RAB5C: variants seen among roughly 807,000 people sequenced by gnomAD.
RAB5C encodes the protein ras-related protein Rab-5C.
Under a neutral mutation model 25.2 loss-of-function variants are expected in RAB5C, and 4 were observed. That is an observed-to-expected ratio of 0.16 (90% CI 0.08 to 0.36). The LOEUF is 0.36. RAB5C is among the 10% of genes least tolerant of loss of function. The pLI is 1.00. For missense variants in RAB5C, 199 were observed against 283.8 expected (o/e 0.70, Z 2.15); for synonymous variants, 100 against 106.4 (o/e 0.94, Z 0.37).
At chr17:42,139,950 A>G (rs899942396) in intron 1 of RAB5C, among the ~76,000 whole-genome samples, 2 of 152,092 alleles carry the variant, frequency 1.3e-5, no homozygotes, top group African/African-American at 4.8e-5. Flanking sequence ...GCCTACCCCA[A>G]CTATCCTGTA....
intron 1 of RAB5C, among the ~76,000 whole-genome samples, chr17:42,139,802 G>A (rs549390752): frequency 3.9e-5 from 6 of 152,164 alleles, no homozygotes; most frequent in Admixed American, 6.5e-5. Flanking sequence ...CCACACACAC[G>A]TCCCAGCCAC....
chr17:42,128,431 C>T (rs1332550062), intron 3 of RAB5C, 48 bp from the exon 4 acceptor site: 1 of 1,570,888 alleles, frequency 6.4e-7, no homozygotes, highest in Non-Finnish European at 8.7e-7. Flanking sequence ...AGGCATTCTG[C>T]CCAGGGCCAC....
chr17:42,146,227 A>G (rs1012034002), intron 1 of RAB5C, among the ~76,000 whole-genome samples: 5 of 152,184 alleles, frequency 3.3e-5, no homozygotes, highest in South Asian at 2.1e-4. Context: ...TATAGGTAAC[A>G]TGGGATCCTG....
intron 1 of RAB5C, among the ~76,000 whole-genome samples, chr17:42,147,063 AAAGAAAGAAAAAG>A (rs1460297647): frequency 8.8e-5 from 13 of 147,526 alleles, no homozygotes; most frequent in African/African-American, 3.4e-4. Context: ...AAAAAGAAAG[AAAGAAAGAAAAAG>A]AAAGAAAGAA....
At chr17:42,149,887 T>C (rs927393523) in intron 1 of RAB5C, among the ~76,000 whole-genome samples, 11 of 150,186 alleles carry the variant, frequency 7.3e-5, no homozygotes, top group Non-Finnish European at 1.2e-4. Context: ...TTTTTTTTTT[T>C]TTTTTTTTTG....
At chr17:42,125,986 A>C (rs1598241503) in intron 5 of RAB5C, 88 bp from the exon 6 acceptor site, 5 of 936,768 alleles carry the variant, frequency 5.3e-6, no homozygotes, top group Non-Finnish European at 8.3e-6. Flanking sequence ...CTTTATACCC[A>C]ATCAGTGGTA....
chr17:42,136,300 G>T (rs1455008280), intron 1 of RAB5C: 3 of 152,218 alleles, frequency 2.0e-5, no homozygotes, highest in African/African-American at 7.2e-5. Flanking sequence ...CCTCAAAAGG[G>T]AAAACCACTG....
intron 1 of RAB5C, among the ~76,000 whole-genome samples, chr17:42,144,100 T>C (rs1369997380): frequency 6.6e-6 from 1 of 152,142 alleles, no homozygotes; most frequent in African/African-American, 2.4e-5. Context: ...CGCTGGATTA[T>C]AAACCAAAGT....
intron 1 of RAB5C, among the ~76,000 whole-genome samples, chr17:42,139,526 G>C (rs1417172040): frequency 6.6e-6 from 1 of 152,170 alleles, no homozygotes; most frequent in Non-Finnish European, 1.5e-5. Context: ...GCAGTGGCGT[G>C]ATCTCGGCTC....
rs1555670424 is a variant in RAB5C, at chr17:42,142,205, G to GA, written c.-88-11616_-88-11615insT. Reference sequence around the variant, plus strand: ...GCCCCATTAACACAAAGCATCTTGGGTTTTTTTTTGGTAGAGATGGGGTTT... The same window carrying GA: ...GCCCCATTAACACAAAGCATCTTGGGATTTTTTTTTGGTAGAGATGGGGTTT... On this transcript the variant is annotated intron_variant, in intron 1 of 5. Coordinates refer to ENST00000346213, the MANE Select transcript of RAB5C (RefSeq NM_004583.4). 1.3e-5 allele frequency among the ~76,000 whole-genome samples: 2 copies of GA among 148,338 alleles called. 1 individual carries two copies. Among genetic ancestry groups the GA allele is most frequent in the African/African-American group, 5.0e-5 (2 of 40,318 alleles).
At chr17:42,151,922 C>A (rs1490695369) in intron 1 of RAB5C, among the ~76,000 whole-genome samples, 2 of 152,062 alleles carry the variant, frequency 1.3e-5, no homozygotes, top group Admixed American at 6.6e-5. Flanking sequence ...TGCCCTTGTG[C>A]CGTGGCGCAC....
rs1378963754 is a variant in RAB5C, at chr17:42,146,440, AC to A, written c.-89+8452del. 2.6e-5 allele frequency among the ~76,000 whole-genome samples: 4 copies of A among 152,074 alleles called. No individual in the cohort carries two copies. In the South Asian group the frequency reaches 6.2e-4, roughly 24 times the overall value. ...TATTAAGCCTCGGCAACATAGGGAG[AC>A]CCCGTCTCTACAAAAAAATCAAAAA... On this transcript the variant is annotated intron_variant, in intron 1 of 5. Coordinates refer to ENST00000346213, the MANE Select transcript of RAB5C (RefSeq NM_004583.4).
chr17:42,148,041 T>TGAGCTGA (rs1026081749), intron 1 of RAB5C, among the ~76,000 whole-genome samples: 4 of 151,782 alleles, frequency 2.6e-5, no homozygotes, highest in Non-Finnish European at 4.4e-5. Flanking sequence ...GAGGTTGTGG[T>TGAGCTGA]GAGCTGAGAT....
chr17:42,127,860 A>C (rs1292869837), intron 4 of RAB5C, among the ~76,000 whole-genome samples: 5 of 112,336 alleles, frequency 4.5e-5, no homozygotes, highest in Admixed American at 9.1e-5. Flanking sequence ...ATGGGGCCTC[A>C]CTCTTGCTCA....
intron 1 of RAB5C, among the ~76,000 whole-genome samples, chr17:42,150,544 CAAAAAAAAAAAAAAA>C (rs759878778): frequency 1.0e-4 from 2 of 19,388 alleles, no homozygotes; most frequent in Admixed American, 9.1e-4. Context: ...AACTCCATCT[CAAAAAAAAAAAAAAA>C]AAAAAAAAAA....
intron 1 of RAB5C, among the ~76,000 whole-genome samples, chr17:42,131,357 AAC>A (rs2054483612): frequency 6.6e-6 from 1 of 151,904 alleles, no homozygotes; most frequent in East Asian, 1.9e-4. Flanking sequence ...CACAGAAACA[AAC>A]ACATAGTAAA....
At chr17:42,152,622 T>C (rs2079679425) in intron 1 of RAB5C, among the ~76,000 whole-genome samples, 1 of 151,618 alleles carries the variant, frequency 6.6e-6, no homozygotes, top group Non-Finnish European at 1.5e-5. Context: ...CTACTAAAAA[T>C]ACAAAAATTA....
In RAB5C at chr17:42,128,819, G is replaced by C; in HGVS notation, c.167-19C>G. 5 of 1,451,952 alleles carry C rather than the reference G, an allele frequency of 3.4e-6. No individual in the cohort carries two copies. The highest frequency in any genetic ancestry group is 4.6e-6 in the Non-Finnish European group (5 of 1,097,788). The allele number at this position is 1,451,952 out of a possible 1,614,324, so 89.9% of individuals were successfully genotyped here. A position where few individuals can be genotyped will look rare whatever the true frequency, so the allele number is the denominator to read the frequency against. On this transcript the variant is annotated intron_variant, in intron 2 of 5. Transcript: ENST00000346213. ...AAGGCCGCTGTAAGAGAGAAGGAGC[G>C]TCCATGGGCAAGAGCGAGTTGGAAT...
At chr17:42,146,087 G>A (rs1294570344) in intron 1 of RAB5C, among the ~76,000 whole-genome samples, 1 of 152,118 alleles carries the variant, frequency 6.6e-6, no homozygotes, top group Non-Finnish European at 1.5e-5. Context: ...GATTACAGGC[G>A]TGAGTCACCG....
Sources: allele counts gnomAD v4.1 joint callset (sites outside exome capture counted in the v4.1 genomes callset), GRCh38; gene constraint gnomAD v4.1.1; transcripts MANE v1.5; gene names NCBI Gene and HGNC (gene_info 2026-07-23, HGNC 2026-07-21).